Variants in DLG5 observed in about 807,000 individuals in gnomAD.
The protein encoded by DLG5 is disks large homolog 5.
DLG5 carries 48 observed loss-of-function variants against 189.8 expected under a neutral mutation model. The ratio of observed to expected loss-of-function variants is 0.25; its 90% confidence interval spans 0.20 to 0.32. The LOEUF is 0.32. Ranked by LOEUF, DLG5 falls within the 10% of genes least tolerant of loss-of-function variation. The probability of loss-of-function intolerance (pLI) is 1.00; values close to 1 mark genes in which losing one functional copy is unlikely to be tolerated. For missense variants in DLG5, 2,160 were observed against 2,544.7 expected (o/e 0.85, Z 3.25); for synonymous variants, 1,016 against 1,054.1 (o/e 0.96, Z 0.70).
rs1186692002 is a variant in DLG5 at position 77,807,773 on chromosome 10, A to C, written c.4796+23T>G. ...CCTCTCCTCTGGTTCCAAATCTCCC[A>C]CCGATTCCCCAGCCACTGGTACCTG... On this transcript the variant is annotated intron_variant, in intron 25 of 31. Coordinates refer to ENST00000372391, the MANE Select transcript of DLG5 (RefSeq NM_004747.4). The C allele has an allele frequency of 6.2e-6, 10 of 1,607,284 alleles. No individual in the cohort carries two copies. In the East Asian group the frequency reaches 6.7e-5, roughly 11 times the overall value.
intron 1 of DLG5, among the ~76,000 whole-genome samples, chr10:77,918,942 G>A (rs1013447751): frequency 6.6e-6 from 1 of 152,176 alleles, no homozygotes; most frequent in African/African-American, 2.4e-5. Flanking sequence ...ACGGCCGAGA[G>A]TGGTGGCTCA....
the DLG5 span, among the ~76,000 whole-genome samples, chr10:77,934,977 C>G: frequency 6.6e-6 from 1 of 151,976 alleles, no homozygotes; most frequent in South Asian, 2.1e-4. Flanking sequence ...CCTGCCTCAG[C>G]CTTCCCAATA....
rs1006897500 is a variant in DLG5, at chr10:77,812,327, G to A, written c.4076C>T (p.Pro1359Leu). The A allele has an allele frequency of 1.6e-5, 26 of 1,614,030 alleles. No homozygotes were observed. The highest frequency in any genetic ancestry group is 4.4e-5 in the South Asian group (4 of 91,088). ...RHVKVQKGSE[P>L]LGISIVSGEK... ...TCCACTCACGATGGAGATGCCCAGC[G>A]GCTCTGAGCCCTTCTGCACCTTCAC... The change falls in exon 21 of 32, where the codon CCG becomes CTG. Residue 1359 changes from proline to leucine, a missense_variant. Coordinates refer to ENST00000372391, the MANE Select transcript of DLG5 (RefSeq NM_004747.4).
At chr10:77,854,119 AG>A in intron 4 of DLG5, 107 bp downstream of exon 4, 1 of 1,405,780 alleles carries the variant, frequency 7.1e-7, no homozygotes, top group Non-Finnish European at 9.5e-7. Flanking sequence ...GCTCTTGCAC[AG>A]GGACAGGACT....
At chr10:77,876,432 T>G (rs993354324) in intron 1 of DLG5, among the ~76,000 whole-genome samples, 1 of 150,254 alleles carries the variant, frequency 6.7e-6, no homozygotes, top group African/African-American at 2.4e-5. Flanking sequence ...TGGAGTGCAG[T>G]GGCACAATCT....
chr10:77,847,132 G>A (rs897024113), intron 5 of DLG5, among the ~76,000 whole-genome samples: 2 of 152,128 alleles, frequency 1.3e-5, no homozygotes, highest in Admixed American at 6.5e-5. Context: ...AGTGGGCCAC[G>A]AATTCCCAGT....
In DLG5 at chr10:77,792,208, C is replaced by G; in HGVS notation, c.*232G>C. The G allele has an allele frequency of 1.8e-6, 1 of 569,536 alleles. No individual in the cohort carries two copies. The allele number at this position is 569,536 out of a possible 1,614,324, so 35.3% of individuals were successfully genotyped here. On this transcript the variant is annotated 3_prime_UTR_variant, in exon 32 of 32. Coordinates refer to ENST00000372391, the MANE Select transcript of DLG5 (RefSeq NM_004747.4). ...GTGCTGAACCCGTCTTTAGTGTTAT[C>G]TGTTTTGTGTTAAAGCACACGTGTG...
intron 1 of DLG5, among the ~76,000 whole-genome samples, chr10:77,875,707 C>T (rs1845063602): frequency 6.6e-6 from 1 of 152,080 alleles, no homozygotes; most frequent in Non-Finnish European, 1.5e-5. Context: ...GTTTTAAAGA[C>T]CTCCTGGGAT....
At chr10:77,814,496 T>TAC (rs1841951917) in intron 20 of DLG5, among the ~76,000 whole-genome samples, 2 of 125,170 alleles carry the variant, frequency 1.6e-5, no homozygotes, top group Non-Finnish European at 3.2e-5. Flanking sequence ...TATATATATA[T>TAC]ATATATATAT....
chr10:77,798,835 T>C (rs1841059220), intron 27 of DLG5, among the ~76,000 whole-genome samples: 1 of 152,146 alleles, frequency 6.6e-6, no homozygotes, highest in African/African-American at 2.4e-5. Flanking sequence ...GAATTCAATA[T>C]AGTGCTTAAA....
intron 9 of DLG5, among the ~76,000 whole-genome samples, chr10:77,833,162 T>C (rs1842958371): frequency 6.6e-6 from 1 of 152,156 alleles, no homozygotes; most frequent in Admixed American, 6.5e-5. Flanking sequence ...GCTCTGCCAA[T>C]TTCTATGCTT....
intron 14 of DLG5, 28 bp from the exon 15 acceptor site, chr10:77,822,129 G>A (rs199613297): frequency 6.3e-7 from 1 of 1,586,108 alleles, no homozygotes; most frequent in Non-Finnish European, 8.6e-7. Flanking sequence ...AGGAGTGAGA[G>A]AGAGAGTGAG....
intron 1 of DLG5, among the ~76,000 whole-genome samples, chr10:77,924,965 G>C (rs1438734181): frequency 6.6e-6 from 1 of 152,056 alleles, no homozygotes; most frequent in Non-Finnish European, 1.5e-5. Flanking sequence ...CAAATAAATG[G>C]GTCCCATCAG....
chr10:77,841,718 G>A (rs1378156294), intron 7 of DLG5, among the ~76,000 whole-genome samples, 163 bp downstream of exon 7: 1 of 152,182 alleles, frequency 6.6e-6, no homozygotes, highest in Non-Finnish European at 1.5e-5. Context: ...TTAAGCATGA[G>A]CTCAGGCAGT....
chr10:77,811,213 A>C lies in DLG5; in HGVS notation c.4344T>G (p.Gly1448=). 6.2e-7 allele frequency: 1 copy of C among 1,613,096 alleles called. No homozygotes were observed. The highest frequency in any genetic ancestry group is 2.2e-5 in the East Asian group (1 of 44,820). ...SRSSSHLDPA[G]THSTLQGSGT... ...CACTGCCCTGGAGAGTGGAGTGGGT[A>C]CCGGCAGGGTCCAGGTGTGAGCTGG... is the stretch of plus-strand genomic sequence containing the variant. The change falls in exon 23 of 32, where the codon GGT becomes GGG. Residue 1448 remains glycine (G), a synonymous_variant. Transcript: ENST00000372391.
At chr10:77,864,020 G>A (rs909307444) in intron 2 of DLG5, among the ~76,000 whole-genome samples, 6 of 152,166 alleles carry the variant, frequency 3.9e-5, no homozygotes, top group Admixed American at 2.0e-4. Flanking sequence ...CCTTGGGGCG[G>A]CCAGCCTCCC....
Position 77,843,512 on chromosome 10 carries a change from C to T in DLG5, c.1059G>A (p.Glu353=), listed in dbSNP as rs758571661. 1 of 1,614,222 alleles carries T rather than the reference C, an allele frequency of 6.2e-7. No homozygotes were observed. The highest frequency in any genetic ancestry group is 8.5e-7 in the Non-Finnish European group (1 of 1,180,046). Residue 353 remains glutamate, a synonymous_variant, in exon 6 of 32, where the codon GAG becomes GAA. Transcript: ENST00000372391. ...EENQRLLKQT[E]MLTQQRDTAI... is the part of the protein sequence containing the mutation. ...CCGTGTCCCTCTGCTGGGTCAGCAT[C>T]TCTGTCTGCTTCAGCAACCGCTGGT...
chr10:77,892,985 T>C (rs893912193), intron 1 of DLG5, among the ~76,000 whole-genome samples: 3 of 152,240 alleles, frequency 2.0e-5, no homozygotes, highest in Non-Finnish European at 2.9e-5. Flanking sequence ...AAGGCCAGTA[T>C]GCTGTGTGTG....
At chr10:77,937,484 G>C in the DLG5 span, among the ~76,000 whole-genome samples, 1 of 152,118 alleles carries the variant, frequency 6.6e-6, no homozygotes, top group Non-Finnish European at 1.5e-5. Flanking sequence ...ATCCCTCACA[G>C]TGCCTATGAC....
Sources: allele counts gnomAD v4.1 joint callset (sites outside exome capture counted in the v4.1 genomes callset), GRCh38; gene constraint gnomAD v4.1.1; transcripts MANE v1.5; gene names NCBI Gene and HGNC (gene_info 2026-07-23, HGNC 2026-07-21).